KCNN3: variants seen among roughly 807,000 people sequenced by gnomAD.
KCNN3 encodes the protein small conductance calcium-activated potassium channel protein 3.
Under a neutral mutation model 62.9 loss-of-function variants are expected in KCNN3, and 16 were observed. That is an observed-to-expected ratio of 0.25 (90% CI 0.17 to 0.39). The LOEUF (loss-of-function observed/expected upper bound fraction) is 0.39. KCNN3 is among the 10% of genes least tolerant of loss of function. The probability of loss-of-function intolerance (pLI) is 1.00; values close to 1 mark genes in which losing one functional copy is unlikely to be tolerated. For synonymous variants in KCNN3, 370 were observed against 389.2 expected, an observed-to-expected ratio of 0.95 and a Z score of 0.58; for missense variants, 599 against 949.4, an observed-to-expected ratio of 0.63 and a Z score of 4.85.
intron 3 of KCNN3, among the ~76,000 whole-genome samples, chr1:154,755,696 GAGA>G (rs1298838422): frequency 3.1e-4 from 47 of 150,520 alleles, no homozygotes; most frequent in Admixed American, 5.3e-4. Flanking sequence ...AAGGAGAAGG[GAGA>G]AGAAGAAGAG....
At chr1:154,851,270 C>A (rs1294197639) in intron 1 of KCNN3, among the ~76,000 whole-genome samples, 1 of 152,190 alleles carries the variant, frequency 6.6e-6, no homozygotes, top group Admixed American at 6.5e-5. Flanking sequence ...AGCCACCGTG[C>A]CCGGCCAAAT....
intron 4 of KCNN3, among the ~76,000 whole-genome samples, chr1:154,728,298 A>G (rs1286909255): frequency 6.6e-6 from 1 of 152,208 alleles, no homozygotes; most frequent in Non-Finnish European, 1.5e-5. Flanking sequence ...GACACTTCCC[A>G]GTTTCTTTCA....
At chr1:154,764,482 A>G (rs1430448135) in intron 3 of KCNN3, among the ~76,000 whole-genome samples, 1 of 152,228 alleles carries the variant, frequency 6.6e-6, no homozygotes, top group Non-Finnish European at 1.5e-5. Context: ...GTGAAACAAT[A>G]TATGGCTGAT....
chr1:154,718,340 G>A (rs113319011), intron 5 of KCNN3, among the ~76,000 whole-genome samples: 2 of 152,224 alleles, frequency 1.3e-5, no homozygotes, highest in Admixed American at 6.5e-5. Context: ...TTTAGGAAAG[G>A]CTCTAAGATT....
At chr1:154,795,664 G>A (rs1007983918) in intron 2 of KCNN3, among the ~76,000 whole-genome samples, 5 of 152,198 alleles carry the variant, frequency 3.3e-5, no homozygotes, top group African/African-American at 4.8e-5. Context: ...AGCAAGAGAC[G>A]TCTGTATGCA....
intron 1 of KCNN3, among the ~76,000 whole-genome samples, chr1:154,861,962 C>T (rs1026475367): frequency 6.6e-6 from 1 of 152,186 alleles, no homozygotes; most frequent in Non-Finnish European, 1.5e-5. Context: ...AAAGCAGAGA[C>T]GGGCCTTTTC....
intron 1 of KCNN3, among the ~76,000 whole-genome samples, chr1:154,830,676 A>AC (rs1454090912): frequency 1.3e-5 from 2 of 152,198 alleles, no homozygotes; most frequent in Middle Eastern, 3.2e-3. Context: ...CCAGAAGGAG[A>AC]CGGAACCTGA....
chr1:154,765,627 CCTTT>C (rs1311575490), intron 3 of KCNN3, among the ~76,000 whole-genome samples: 3 of 141,702 alleles, frequency 2.1e-5, no homozygotes, highest in African/African-American at 7.6e-5. Context: ...CTTTCTTTTT[CCTTT>C]TTTTTTTTTT....
intron 3 of KCNN3, among the ~76,000 whole-genome samples, chr1:154,746,741 C>T (rs1700947266): frequency 6.6e-6 from 1 of 152,182 alleles, no homozygotes; most frequent in Non-Finnish European, 1.5e-5. Context: ...AGGGTTTCTG[C>T]CTCCAAGGAG....
chr1:154,733,804 C>T (rs973044359), intron 3 of KCNN3, among the ~76,000 whole-genome samples: 2 of 152,182 alleles, frequency 1.3e-5, no homozygotes, highest in Admixed American at 6.5e-5. Context: ...ATGCCTATTC[C>T]ACCCCATCCC....
At chr1:154,839,220 C>G (rs1651725286) in intron 1 of KCNN3, among the ~76,000 whole-genome samples, 1 of 152,168 alleles carries the variant, frequency 6.6e-6, no homozygotes, top group South Asian at 2.1e-4. Flanking sequence ...GAGTGACCTG[C>G]GATCTGCAGA....
Position 154,759,638 on chromosome 1 carries a change from C to T in KCNN3, c.1448+12337G>A, listed in dbSNP as rs370905064. On this transcript the variant is annotated intron_variant, in intron 3 of 7. Coordinates refer to ENST00000271915, the MANE Select transcript of KCNN3 (RefSeq NM_002249.6). ...GTCACTGTGTACCATCTTTGGCAGACTTGGGAAGGAATTCATTCCAGTGAC... is the reference window on the plus strand; with the variant it reads ...GTCACTGTGTACCATCTTTGGCAGATTTGGGAAGGAATTCATTCCAGTGAC... Among the ~76,000 whole-genome samples, 21 of 152,278 alleles carry T rather than the reference C, an allele frequency of 1.4e-4. No individual in the cohort carries two copies. In the East Asian group the frequency reaches 1.9e-3, roughly 14 times the overall value.
chr1:154,852,313 C>T (rs1652335844), intron 1 of KCNN3, among the ~76,000 whole-genome samples: 1 of 152,062 alleles, frequency 6.6e-6, no homozygotes, highest in Non-Finnish European at 1.5e-5. Flanking sequence ...CAAGCTATCC[C>T]CCACCTCAAC....
intron 3 of KCNN3, among the ~76,000 whole-genome samples, chr1:154,758,502 C>T (rs1208610260): frequency 6.6e-6 from 1 of 152,248 alleles, no homozygotes; most frequent in African/African-American, 2.4e-5. Context: ...CCCGCAGGGG[C>T]TGTGTTACCA....
chr1:154,794,928 C>G (rs776721550), intron 2 of KCNN3, among the ~76,000 whole-genome samples: 15 of 152,254 alleles, frequency 9.9e-5, no homozygotes, highest in Non-Finnish European at 1.9e-4. Flanking sequence ...CTAGAGAGCT[C>G]TTTTTCATCC....
chr1:154,804,617 C>T (rs944124230), intron 2 of KCNN3, among the ~76,000 whole-genome samples: 20 of 152,042 alleles, frequency 1.3e-4, no homozygotes, highest in African/African-American at 4.4e-4. Flanking sequence ...AGTAGGGAAT[C>T]GGTATCTGCT....
intron 1 of KCNN3, among the ~76,000 whole-genome samples, chr1:154,830,699 A>G (rs560412782): frequency 6.6e-6 from 1 of 152,356 alleles, no homozygotes; most frequent in African/African-American, 2.4e-5. Flanking sequence ...TCTGAGGGAC[A>G]TCATGCAGTT....
chr1:154,779,857 T>C (rs781489404), intron 2 of KCNN3, among the ~76,000 whole-genome samples: 9 of 152,210 alleles, frequency 5.9e-5, no homozygotes, highest in Non-Finnish European at 1.0e-4. Flanking sequence ...CCCTTGGCTT[T>C]CAGCTGTGGG....
rs555396943 is a variant in KCNN3 at position 154,814,776 on chromosome 1, T to C, written c.1029+7313A>G. The stretch of plus-strand genomic sequence containing the variant: ...TGGTGTTCTGACTTCTCGGGCCCAG[T>C]TGGTGGTGTAGCTCCTCTCTCTATT... On this transcript the variant is annotated intron_variant, in intron 2 of 7. Coordinates refer to ENST00000271915, the MANE Select transcript of KCNN3 (RefSeq NM_002249.6). 1.4e-4 allele frequency among the ~76,000 whole-genome samples: 22 copies of C among 152,342 alleles called. No individual in the cohort carries two copies. In the East Asian group the frequency reaches 3.9e-3, roughly 27 times the overall value.
Sources: gnomAD v4.1 joint callset for allele counts (sites outside exome capture counted in the v4.1 genomes callset) on GRCh38, gnomAD v4.1.1 for gene constraint, MANE v1.5 for transcripts, NCBI Gene and HGNC (gene_info 2026-07-23, HGNC 2026-07-21) for gene names.